Variants in ZNF469 observed in about 807,000 individuals in gnomAD.
The protein encoded by ZNF469 is zinc finger protein 469.
A neutral mutation model predicts 1.0 loss-of-function variants in ZNF469; 1 was observed. The observed-to-expected ratio is 1.00, with a 90% confidence interval of 0.35 to 4.73. ZNF469 has a LOEUF of 4.73. Ranked by LOEUF, ZNF469 falls within the 30% of genes most tolerant of loss-of-function variation. The probability of loss-of-function intolerance (pLI) is 0.16; values close to 1 mark genes in which losing one functional copy is unlikely to be tolerated. For missense variants in ZNF469, 6,100 were observed against 5,356.3 expected, an observed-to-expected ratio of 1.14 and a Z score of -4.33; for synonymous variants, 2,703 against 2,363.4, an observed-to-expected ratio of 1.14 and a Z score of -4.17.
chr16:88,134,675 G>A, the ZNF469 span, among the ~76,000 whole-genome samples: 5 of 152,200 alleles, frequency 3.3e-5, no homozygotes, highest in Admixed American at 6.5e-5. Flanking sequence ...GGGTGTGCCC[G>A]CCTCCTCACC....
the ZNF469 span, among the ~76,000 whole-genome samples, chr16:88,331,541 AC>A: frequency 6.6e-6 from 1 of 151,540 alleles, no homozygotes; most frequent in African/African-American, 2.4e-5. Context: ...CACTATCATC[AC>A]CATCACCACC....
the ZNF469 span, among the ~76,000 whole-genome samples, chr16:88,347,557 C>T: frequency 5.9e-5 from 9 of 152,318 alleles, no homozygotes; most frequent in East Asian, 1.7e-3. Flanking sequence ...GCCTCCAGAA[C>T]TGTGACGATA....
upstream of ZNF469, among the ~76,000 whole-genome samples, chr16:88,380,332 C>T (rs552516533): frequency 1.5e-5 from 1 of 68,868 alleles, no homozygotes; most frequent in East Asian, 1.3e-3. Flanking sequence ...CACATGCACT[C>T]ACACATGCGC....
At chr16:88,141,052 C>T in the ZNF469 span, among the ~76,000 whole-genome samples, 280 of 152,306 alleles carry the variant, frequency 1.8e-3, 5 homozygotes, top group African/African-American at 6.5e-3. Context: ...TCAGAGGCAT[C>T]GTTGGGCCAA....
chr16:88,423,023 A>G (rs967172267), intron 1 of ZNF469, among the ~76,000 whole-genome samples: 1 of 141,504 alleles, frequency 7.1e-6, no homozygotes, highest in Non-Finnish European at 1.5e-5. Flanking sequence ...GTGGGTGGGT[A>G]TCTGGATGGA....
At chr16:88,149,380 C>T in the ZNF469 span, among the ~76,000 whole-genome samples, 2 of 152,228 alleles carry the variant, frequency 1.3e-5, no homozygotes, top group South Asian at 2.1e-4. Flanking sequence ...GCCGTCCAGC[C>T]GCCCCTTATC....
chr16:88,298,746 C>A, the ZNF469 span, among the ~76,000 whole-genome samples: 1 of 152,206 alleles, frequency 6.6e-6, no homozygotes, highest in Non-Finnish European at 1.5e-5. Context: ...ATCCCACGGG[C>A]ACCTCCCGAG....
At chr16:88,383,773 C>A (rs890972294) in intron 1 of ZNF469, among the ~76,000 whole-genome samples, 4 of 151,894 alleles carry the variant, frequency 2.6e-5, no homozygotes, top group Non-Finnish European at 5.9e-5. Context: ...TGCGAGTCGG[C>A]GGTGTCAGCG....
the ZNF469 span, among the ~76,000 whole-genome samples, chr16:88,231,267 G>C: frequency 6.6e-6 from 1 of 152,182 alleles, no homozygotes. The surrounding 1 kb of genome is among the most constrained non-coding windows in gnomAD (Gnocchi z 4.5). Context: ...AGCACCTGGA[G>C]GAGGGCTTCA....
the ZNF469 span, among the ~76,000 whole-genome samples, chr16:88,253,240 T>G: frequency 6.6e-6 from 1 of 152,320 alleles, no homozygotes; most frequent in African/African-American, 2.4e-5. Flanking sequence ...GGAATTGAAA[T>G]GAGGGGTCGC....
At chr16:88,372,382 A>G in the ZNF469 span, among the ~76,000 whole-genome samples, 1 of 149,716 alleles carries the variant, frequency 6.7e-6, no homozygotes, top group African/African-American at 2.5e-5. Context: ...CATCCCCATC[A>G]TCATCACCAT....
the ZNF469 span, among the ~76,000 whole-genome samples, chr16:88,215,383 A>ATT: frequency 0.11 from 10,717 of 93,528 alleles, 1,257 homozygotes; most frequent in East Asian, 0.21. Flanking sequence ...TTGCCTTTTA[A>ATT]TTTTTTTTTT....
At chr16:88,417,545 C>T (rs191561367) in intron 1 of ZNF469, among the ~76,000 whole-genome samples, 14 of 152,304 alleles carry the variant, frequency 9.2e-5, no homozygotes, top group Admixed American at 2.6e-4. Flanking sequence ...ATCCAGTCCC[C>T]GCAAGCCAGA....
At chr16:88,202,911 G>A in the ZNF469 span, among the ~76,000 whole-genome samples, 1 of 152,172 alleles carries the variant, frequency 6.6e-6, no homozygotes, top group Non-Finnish European at 1.5e-5. Context: ...GGAGGTGAGG[G>A]AAGGGCCCTG....
the ZNF469 span, among the ~76,000 whole-genome samples, chr16:88,352,576 C>A: frequency 6.6e-6 from 1 of 152,234 alleles, no homozygotes; most frequent in South Asian, 2.1e-4. Flanking sequence ...CTTGTCTGTA[C>A]AACCACAACA....
At chr16:88,233,003 G>A in the ZNF469 span, among the ~76,000 whole-genome samples, 2 of 152,136 alleles carry the variant, frequency 1.3e-5, no homozygotes, top group African/African-American at 4.8e-5. Context: ...CCTTGACCTT[G>A]GGCTCTTCCT....
At chr16:88,233,772 C>T in the ZNF469 span, among the ~76,000 whole-genome samples, 2 of 152,246 alleles carry the variant, frequency 1.3e-5, no homozygotes, top group Admixed American at 1.3e-4. Flanking sequence ...CCGATGGGGA[C>T]GTAGAGGATG....
the ZNF469 span, among the ~76,000 whole-genome samples, chr16:88,224,510 TG>T: frequency 1.8e-4 from 27 of 152,268 alleles, no homozygotes; most frequent in African/African-American, 6.0e-4. Context: ...TGGACGGGGT[TG>T]GGGGCTGGCC....
upstream of ZNF469, among the ~76,000 whole-genome samples, chr16:88,381,943 G>A (rs554593829): frequency 1.3e-5 from 2 of 152,398 alleles, no homozygotes; most frequent in South Asian, 2.1e-4. Flanking sequence ...TAATAAAGGT[G>A]TCCTTAAAAG....
Sources: allele counts gnomAD v4.1 joint callset (sites outside exome capture counted in the v4.1 genomes callset), GRCh38; gene constraint gnomAD v4.1.1; non-coding constraint Gnocchi (gnomAD v3.1); transcripts MANE v1.5; gene names NCBI Gene and HGNC (gene_info 2026-07-23, HGNC 2026-07-21).